Variants in REV1 observed in about 807,000 individuals in gnomAD.
REV1 encodes the protein REV1 DNA directed polymerase.
Under a neutral mutation model 137.4 loss-of-function variants are expected in REV1, and 42 were observed. That is an observed-to-expected ratio of 0.31 (90% confidence interval 0.24 to 0.40). The LOEUF is 0.40. Ranked by LOEUF, REV1 falls within the 10% of genes least tolerant of loss-of-function variation. REV1 has a pLI of 1.00. For synonymous variants in REV1, 524 were observed against 519.2 expected, an observed-to-expected ratio of 1.01 and a Z score of -0.12; for missense variants, 1,282 against 1,490.1, an observed-to-expected ratio of 0.86 and a Z score of 2.30.
At chr2:99,416,818 CAGG>C (rs1393059309) in intron 12 of REV1, among the ~76,000 whole-genome samples, 3 of 143,858 alleles carry the variant, frequency 2.1e-5, no homozygotes, top group African/African-American at 7.9e-5. Flanking sequence ...GAGGCTGAGG[CAGG>C]AGAATGGCGT....
At chr2:99,467,108 G>GTATTT (rs1438345689) in intron 1 of REV1, among the ~76,000 whole-genome samples, 1 of 152,156 alleles carries the variant, frequency 6.6e-6, no homozygotes, top group Non-Finnish European at 1.5e-5. Context: ...GGAGTAAAGT[G>GTATTT]TATTTTAATA....
intron 4 of REV1, among the ~76,000 whole-genome samples, chr2:99,447,819 C>T (rs1682415180): frequency 6.6e-6 from 1 of 151,732 alleles, no homozygotes; most frequent in South Asian, 2.1e-4. Flanking sequence ...CTCCTGGGTT[C>T]ACGCGATTCT....
At chr2:99,475,751 G>A (rs1034747709) in intron 1 of REV1, among the ~76,000 whole-genome samples, 20 of 152,188 alleles carry the variant, frequency 1.3e-4, no homozygotes, top group East Asian at 3.9e-4. Flanking sequence ...TTGGGAGGCC[G>A]AGGTGGGTGG....
At chr2:99,479,043 C>A (rs927283117) in intron 1 of REV1, among the ~76,000 whole-genome samples, 1 of 152,026 alleles carries the variant, frequency 6.6e-6, no homozygotes, top group African/African-American at 2.4e-5. Flanking sequence ...AGATTGCAGG[C>A]GACAGGCTGG....
intron 7 of REV1, 109 bp from the exon 8 acceptor site, chr2:99,434,557 TTTAC>T: frequency 7.2e-6 from 4 of 557,792 alleles, no homozygotes; most frequent in South Asian, 5.8e-5. Context: ...TTTCTTTAGC[TTTAC>T]TTAGACATTA....
intron 6 of REV1, 136 bp from the exon 7 acceptor site, chr2:99,436,077 G>A (rs1680710612): frequency 4.8e-6 from 3 of 624,756 alleles, no homozygotes; most frequent in Admixed American, 6.8e-5. Flanking sequence ...CCAGAATTGA[G>A]TACAGATTAT....
At chr2:99,413,031 G>T in intron 12 of REV1, 80 bp from the exon 13 acceptor site, 2 of 968,312 alleles carry the variant, frequency 2.1e-6, no homozygotes. Flanking sequence ...CACCATTTAT[G>T]CACAAAACAA....
At chr2:99,468,747 C>T (rs760772226) in intron 1 of REV1, among the ~76,000 whole-genome samples, 4 of 152,120 alleles carry the variant, frequency 2.6e-5, no homozygotes, top group Admixed American at 1.3e-4. Context: ...GTTTAAAAAA[C>T]GGATGAAGAG....
chr2:99,428,183 G>A (rs914415440), intron 9 of REV1, among the ~76,000 whole-genome samples: 11 of 152,214 alleles, frequency 7.2e-5, no homozygotes, highest in African/African-American at 2.4e-4. Flanking sequence ...ACCAACTAGC[G>A]AAATTCAAGG....
chr2:99,416,337 C>T (rs745367461), intron 12 of REV1, among the ~76,000 whole-genome samples: 10 of 152,230 alleles, frequency 6.6e-5, no homozygotes, highest in Non-Finnish European at 1.3e-4. Context: ...CAGAAGGTTC[C>T]CTCTCCTATA....
At chr2:99,483,139 AT>A (rs1686799884) in intron 1 of REV1, among the ~76,000 whole-genome samples, 1 of 152,198 alleles carries the variant, frequency 6.6e-6, no homozygotes, top group South Asian at 2.1e-4. Context: ...AAGGCTTAAA[AT>A]AAAAAGCTAA....
intron 1 of REV1, among the ~76,000 whole-genome samples, chr2:99,487,176 TG>T (rs1220335839): frequency 6.6e-6 from 1 of 152,182 alleles, no homozygotes; most frequent in Non-Finnish European, 1.5e-5. Flanking sequence ...AAAATGACTA[TG>T]GGACTGGGGT....
chr2:99,457,138 T>TC (rs1444917584), intron 3 of REV1, among the ~76,000 whole-genome samples: 3 of 152,214 alleles, frequency 2.0e-5, no homozygotes, highest in African/African-American at 7.2e-5. Context: ...GCTTAGAGAT[T>TC]ACTTTTTCAT....
At chr2:99,475,820 TA>T (rs1165803704) in intron 1 of REV1, among the ~76,000 whole-genome samples, 23 of 151,666 alleles carry the variant, frequency 1.5e-4, no homozygotes, top group Admixed American at 1.5e-3. Context: ...CCATCTCTAC[TA>T]AAAAATACAA....
At chr2:99,461,325 T>A (rs28369953) in intron 3 of REV1, among the ~76,000 whole-genome samples, 1 of 152,236 alleles carries the variant, frequency 6.6e-6, no homozygotes, top group East Asian at 1.9e-4. Context: ...CCAGTCACTG[T>A]AGAGGCACTA....
intron 12 of REV1, among the ~76,000 whole-genome samples, chr2:99,414,433 C>T (rs1350965500): frequency 1.3e-5 from 2 of 151,496 alleles, no homozygotes; most frequent in South Asian, 2.1e-4. Context: ...CAAGTAAATA[C>T]CAAAGACCCC....
At position 99,488,087 on chromosome 2, in the gene REV1, A is replaced by C. The variant is rs1010964096; in HGVS notation, c.-11+1730T>G. On this transcript the variant is annotated intron_variant, in intron 1 of 22. Transcript: ENST00000258428. The stretch of plus-strand genomic sequence containing the variant: ...TTGTAGGGCCAGAAATCTAACCTCC[A>C]TGTAACTGTGAACTTCCTGTCTTTC... 6.7e-5 allele frequency among the ~76,000 whole-genome samples: 8 copies of C among 118,758 alleles called. 2 individuals carry two copies. Among genetic ancestry groups the C allele is most frequent in the African/African-American group, 2.4e-4 (8 of 33,184 alleles). The allele number at this position is 118,758 out of a possible 152,430, so 77.9% of individuals were successfully genotyped here. A position where few individuals can be genotyped will look rare whatever the true frequency, so the allele number is the denominator to read the frequency against.
At chr2:99,480,927 T>C (rs2104252373) in intron 1 of REV1, among the ~76,000 whole-genome samples, 1 of 152,330 alleles carries the variant, frequency 6.6e-6, no homozygotes, top group African/African-American at 2.4e-5. Flanking sequence ...AATGTAACAA[T>C]TTAGCACACT....
chr2:99,465,827 A>G (rs534852955), intron 1 of REV1, among the ~76,000 whole-genome samples: 2 of 152,244 alleles, frequency 1.3e-5, no homozygotes, highest in Non-Finnish European at 2.9e-5. Flanking sequence ...CTTATATATT[A>G]TCCACGTCAA....
Sources: gnomAD v4.1 joint callset for allele counts (sites outside exome capture counted in the v4.1 genomes callset) on GRCh38, gnomAD v4.1.1 for gene constraint, MANE v1.5 for transcripts, NCBI Gene and HGNC (gene_info 2026-07-23, HGNC 2026-07-21) for gene names.